UNC5C: variants seen among roughly 807,000 people sequenced by gnomAD.
UNC5C encodes netrin receptor UNC5C.
A neutral mutation model predicts 99.8 loss-of-function variants in UNC5C; 47 were observed. That is an observed-to-expected ratio of 0.47 (90% CI 0.37 to 0.60). UNC5C has a LOEUF of 0.60. Among genes scored for constraint, UNC5C ranks in the 20% least tolerant of loss-of-function variants. The probability of loss-of-function intolerance (pLI) is 0.00; values close to 1 mark genes in which losing one functional copy is unlikely to be tolerated. For synonymous variants in UNC5C, 487 were observed against 452.2 expected (o/e 1.08, Z -0.98); for missense variants, 1,062 against 1,165.9 (o/e 0.91, Z 1.30).
At chr4:95,535,271 C>T (rs1415306032) in intron 1 of UNC5C, among the ~76,000 whole-genome samples, 1 of 151,974 alleles carries the variant, frequency 6.6e-6, no homozygotes, top group Admixed American at 6.6e-5. Flanking sequence ...TTAAAACATA[C>T]CAATTTATTT....
At chr4:95,516,749 A>G (rs893440665) in intron 1 of UNC5C, among the ~76,000 whole-genome samples, 6 of 152,078 alleles carry the variant, frequency 3.9e-5, no homozygotes, top group Non-Finnish European at 8.8e-5. Flanking sequence ...TTGTTACATC[A>G]ATGTCTGCAT....
chr4:95,470,051 G>A (rs1034838018), intron 1 of UNC5C, among the ~76,000 whole-genome samples: 2 of 152,078 alleles, frequency 1.3e-5, no homozygotes, highest in Non-Finnish European at 2.9e-5. Context: ...ATTGCAAATA[G>A]TACTATGCAC....
chr4:95,483,060 TA>T (rs70948417), intron 1 of UNC5C, among the ~76,000 whole-genome samples: 52,031 of 142,706 alleles, frequency 0.36, 10,296 homozygotes, highest in Non-Finnish European at 0.46. Context: ...CATGCAGTAA[TA>T]AAAAAAAAAA....
intron 12 of UNC5C, among the ~76,000 whole-genome samples, chr4:95,188,836 G>A (rs945861665): frequency 1.4e-4 from 22 of 152,154 alleles, no homozygotes; most frequent in African/African-American, 5.3e-4. Context: ...ACACAGACAA[G>A]TAAGTCCCTG....
Position 95,335,437 on chromosome 4 carries a change from C to G in UNC5C, c.319G>C (p.Val107Leu), listed in dbSNP as rs41275687. The G allele has an allele frequency of 2.0e-3, 3,250 of 1,611,866 alleles. 19 individuals carry two copies. The highest frequency in any genetic ancestry group is 1.3e-3 in the Non-Finnish European group (1,581 of 1,178,634). ...SEWVHQKDHIVDERVDETSGL... is the reference protein window; with the variant it reads ...SEWVHQKDHILDERVDETSGL... ...GAAGTTTCATCTACTCTTTCATCTA[C>G]TATGTGGTCCTTCTGATGAACCCAT... The change falls in exon 2 of 16, where the codon GTA (valine) becomes CTA (leucine). Residue 107 changes from valine (V) to leucine (L), a missense_variant. By Grantham distance (32) the Val-to-Leu change is conservative. Transcript: ENST00000453304.
At chr4:95,202,500 A>C (rs1290442467) in intron 12 of UNC5C, among the ~76,000 whole-genome samples, 1 of 152,270 alleles carries the variant, frequency 6.6e-6, no homozygotes, top group Non-Finnish European at 1.5e-5. Flanking sequence ...CATTAAAAGA[A>C]ATCAAGGAAG....
chr4:95,174,182 A>C (rs141425955), intron 14 of UNC5C, among the ~76,000 whole-genome samples: 2,960 of 151,170 alleles, frequency 0.02, 105 homozygotes, highest in African/African-American at 0.068. Flanking sequence ...TGGATCCTTT[A>C]AAAAAACCAG....
At chr4:95,188,583 C>CACTT (rs2149353271) in intron 12 of UNC5C, among the ~76,000 whole-genome samples, 1 of 152,290 alleles carries the variant, frequency 6.6e-6, no homozygotes, top group East Asian at 1.9e-4. Context: ...CAGCAGATTC[C>CACTT]ACTTAAAAAT....
chr4:95,394,194 TG>T (rs753968796), intron 1 of UNC5C, among the ~76,000 whole-genome samples: 2 of 152,098 alleles, frequency 1.3e-5, no homozygotes, highest in Non-Finnish European at 2.9e-5. Context: ...GCTTGACTTC[TG>T]TACCCAGCTG....
chr4:95,203,228 G>A (rs1403642127), intron 11 of UNC5C, among the ~76,000 whole-genome samples: 1 of 152,154 alleles, frequency 6.6e-6, no homozygotes, highest in Non-Finnish European at 1.5e-5. Flanking sequence ...ATCTGTACGT[G>A]TGAAAAGAAT....
At chr4:95,522,887 T>C (rs534206689) in intron 1 of UNC5C, among the ~76,000 whole-genome samples, 143 of 145,824 alleles carry the variant, frequency 9.8e-4, no homozygotes, top group African/African-American at 3.2e-3. Context: ...TTTCTGGTCT[T>C]CTGCAATGCC....
At chr4:95,448,225 T>TGAGAGAGAGAGAGAGA (rs1260024385) in intron 1 of UNC5C, among the ~76,000 whole-genome samples, 59 of 105,714 alleles carry the variant, frequency 5.6e-4, no homozygotes, top group Non-Finnish European at 7.4e-4. Context: ...TGTGTGTGTG[T>TGAGAGAGAGAGAGAGA]GTGAGAGAGA....
At chr4:95,343,426 T>G (rs1275446121) in intron 1 of UNC5C, among the ~76,000 whole-genome samples, 2 of 152,126 alleles carry the variant, frequency 1.3e-5, no homozygotes, top group Non-Finnish European at 2.9e-5. Flanking sequence ...AAGACCTCTA[T>G]GAGTCTGCAA....
At chr4:95,244,918 TA>T in intron 6 of UNC5C, 58 bp downstream of exon 6, 1 of 1,599,782 alleles carries the variant, frequency 6.3e-7, no homozygotes, top group South Asian at 1.1e-5. Context: ...ATCTATTCTC[TA>T]AAAGCATGTT....
chr4:95,182,703 A>AAT (rs921335087), intron 14 of UNC5C, among the ~76,000 whole-genome samples, 194 bp downstream of exon 14: 28 of 151,708 alleles, frequency 1.8e-4, no homozygotes, highest in Admixed American at 9.2e-4. Context: ...AGGATCCCTT[A>AAT]ATATATATAT....
At chr4:95,548,204 A>T (rs536567349) in intron 1 of UNC5C, among the ~76,000 whole-genome samples, 1 of 152,180 alleles carries the variant, frequency 6.6e-6, no homozygotes, top group East Asian at 1.9e-4. Context: ...GGTGCTTTTG[A>T]GTCCTTGACA....
rs769375707 is a variant in UNC5C at position 95,541,713 on chromosome 4, T to C, written c.124+7021A>G. ...CTATTTATGGATATATTTCTATTTA[T>C]GGATATATCCCTTACAACTGGACTG... On this transcript the variant is annotated intron_variant, in intron 1 of 15. Coordinates refer to ENST00000453304, the MANE Select transcript of UNC5C (RefSeq NM_003728.4). Among the ~76,000 whole-genome samples, 15 of 152,244 alleles carry C rather than the reference T, an allele frequency of 9.9e-5. No homozygotes were observed. In the South Asian group the frequency reaches 2.5e-3, roughly 25 times the overall value.
chr4:95,535,852 C>T (rs1298122572), intron 1 of UNC5C, among the ~76,000 whole-genome samples: 1 of 151,638 alleles, frequency 6.6e-6, no homozygotes, highest in African/African-American at 2.4e-5. Context: ...ACATCCAGTA[C>T]ATTTTTAATT....
rs146917152 is a variant in UNC5C, at chr4:95,282,551, G to T, written c.491-4189C>A. 4.8e-3 allele frequency among the ~76,000 whole-genome samples: 733 copies of T among 152,322 alleles called. 7 individuals are homozygous for T. Among genetic ancestry groups the T allele is most frequent in the African/African-American group, 0.016 (660 of 41,574 alleles). On this transcript the variant is annotated intron_variant, in intron 3 of 15. Transcript: ENST00000453304. The stretch of plus-strand genomic sequence containing the variant: ...ATGTACACATGGGAGCCTTTGGAAT[G>T]AAGACATAAAGATCCAGGGATAATT...
Sources: gnomAD v4.1 joint callset for allele counts (sites outside exome capture counted in the v4.1 genomes callset) on GRCh38, gnomAD v4.1.1 for gene constraint, MANE v1.5 for transcripts, NCBI Gene and HGNC (gene_info 2026-07-23, HGNC 2026-07-21) for gene names.